ABCA6: variants seen among roughly 807,000 people sequenced by gnomAD.
ABCA6 encodes ATP-binding cassette sub-family A member 6.
Under a neutral mutation model 191.2 loss-of-function variants are expected in ABCA6, and 164 were observed. The ratio of observed to expected loss-of-function variants is 0.86; its 90% CI spans 0.76 to 0.98. The LOEUF is 0.98. Among genes scored for constraint, ABCA6 ranks in the 50% least tolerant of loss-of-function variants. The pLI is 0.00. For missense variants in ABCA6, 1,958 were observed against 1,894.1 expected, an observed-to-expected ratio of 1.03 and a Z score of -0.63; for synonymous variants, 636 against 647.7, an observed-to-expected ratio of 0.98 and a Z score of 0.27.
At position 69,113,751 on chromosome 17, in the gene ABCA6, T is replaced by A; in HGVS notation, c.1783-14A>T. 6.2e-7 allele frequency: 1 copy of A among 1,604,398 alleles called. No homozygotes were observed. Among genetic ancestry groups the A allele is most frequent in the Middle Eastern group, 1.7e-4 (1 of 6,024 alleles). On this transcript the variant is annotated splice_polypyrimidine_tract_variant and intron_variant, in intron 13 of 38. Coordinates refer to ENST00000284425, the MANE Select transcript of ABCA6 (RefSeq NM_080284.3). ...TATTCGTTGTACCTATATGAGAAAA[T>A]ACGCAACTTTTAAAATCCAAAATGA...
rs960827537 is a variant in ABCA6 at position 69,102,751 on chromosome 17, T to A, written c.2874+84A>T. On this transcript the variant is annotated intron_variant, in intron 21 of 38. Transcript: ENST00000284425. ...TGTTTTTCTGAGTCAAGTTTCTGTA[T>A]ACTAGCTTTAATTTCTGCAGTTTTA... is the stretch of plus-strand genomic sequence containing the variant. 5 of 1,315,696 alleles carry A rather than the reference T, an allele frequency of 3.8e-6. No homozygotes were observed. The African/African-American group carries it at 6.2e-5, about 16-fold the overall frequency. 81.5% of individuals were successfully genotyped at this position (1,315,696 alleles called of 1,614,324 possible).
chr17:69,121,217 G>A (rs1003970718), intron 10 of ABCA6, among the ~76,000 whole-genome samples: 1 of 152,090 alleles, frequency 6.6e-6, no homozygotes, highest in Admixed American at 6.6e-5. Flanking sequence ...ATGCCACTAA[G>A]AAATGATCAC....
At chr17:69,090,837 G>C (rs1033371988) in intron 26 of ABCA6, among the ~76,000 whole-genome samples, 4 of 152,154 alleles carry the variant, frequency 2.6e-5, no homozygotes, top group Non-Finnish European at 5.9e-5. Context: ...AATGGCATTT[G>C]ACAATGCCTA....
chr17:69,097,787 AGGT>A, intron 23 of ABCA6, 130 bp downstream of exon 23: 1 of 582,898 alleles, frequency 1.7e-6, no homozygotes, highest in Non-Finnish European at 2.7e-6. Context: ...GCCAAGAATA[AGGT>A]TTAGCTACAA....
intron 36 of ABCA6, 22 bp downstream of exon 36, chr17:69,082,851 C>T: frequency 6.2e-7 from 1 of 1,613,802 alleles, no homozygotes; most frequent in Non-Finnish European, 8.5e-7. Context: ...CATATTTCTC[C>T]ATAATCAAAA....
Position 69,082,896 on chromosome 17 carries a change from G to A in ABCA6, c.4593C>T (p.Phe1531=), listed in dbSNP as rs867902458. The change falls in exon 36 of 39, where the codon TTC becomes TTT. Residue 1531 remains phenylalanine, a synonymous_variant. Coordinates refer to ENST00000284425, the MANE Select transcript of ABCA6 (RefSeq NM_080284.3). ...TLVHTEILKL[F]PQAAGQERYS... is the part of the protein sequence containing the mutation. The stretch of plus-strand genomic sequence containing the variant: ...ACCTTTCCTGCCCTGCAGCCTGTGG[G>A]AAAAGCTTCAGAATCTCAGTGTGGA... 1 of 1,614,150 alleles carries A rather than the reference G, an allele frequency of 6.2e-7. No individual in the cohort carries two copies. Among genetic ancestry groups the A allele is most frequent in the South Asian group, 1.1e-5 (1 of 91,080 alleles).
chr17:69,121,049 A>G (rs1052191875), intron 10 of ABCA6, among the ~76,000 whole-genome samples: 26 of 152,082 alleles, frequency 1.7e-4, no homozygotes, highest in Non-Finnish European at 4.4e-5. Flanking sequence ...AAGCATTTCT[A>G]TATAAAGAGG....
intron 23 of ABCA6, among the ~76,000 whole-genome samples, chr17:69,097,077 T>C (rs1449092240): frequency 6.6e-6 from 1 of 152,210 alleles, no homozygotes; most frequent in Non-Finnish European, 1.5e-5. Flanking sequence ...GACCTCATAA[T>C]GTTCAAGGCA....
intron 30 of ABCA6, 128 bp from the exon 31 acceptor site, chr17:69,085,844 T>C (rs532923344): frequency 3.1e-6 from 2 of 641,282 alleles, no homozygotes; most frequent in South Asian, 3.8e-5. Flanking sequence ...TGATAACATA[T>C]ATGTAATCCA....
In ABCA6 at chr17:69,097,967, A is replaced by G. The variant is rs760048687; in HGVS notation, c.3073T>C (p.Cys1025Arg). ...DGSFFLFLVL[C>R]SISPYITMGS... ...ATGGTGATATAAGGAGAAATGCTAC[A>G]TAGAACCAAAAATAAGAAAAAGGAA... is the stretch of plus-strand genomic sequence containing the variant. Residue 1025 changes from cysteine to arginine, a missense_variant, in exon 23 of 39, where the codon TGT becomes CGT. Physicochemically the swap from Cys to Arg is radical, Grantham distance 180. Coordinates refer to ENST00000284425, the MANE Select transcript of ABCA6 (RefSeq NM_080284.3). 1.9e-6 allele frequency: 3 copies of G among 1,612,206 alleles called. No individual in the cohort carries two copies. The highest frequency in any genetic ancestry group is 1.7e-6 in the Non-Finnish European group (2 of 1,179,294).
chr17:69,118,792 T>C (rs2073584445), intron 10 of ABCA6, among the ~76,000 whole-genome samples: 1 of 152,042 alleles, frequency 6.6e-6, no homozygotes, highest in South Asian at 2.1e-4. Context: ...ATGGATCTTC[T>C]CATTTGAGAC....
In ABCA6 at chr17:69,086,486, AATATATATATATAT is replaced by A. The variant is rs68086602; in HGVS notation, c.3937+118_3937+131del. ...GTCTAAAACACTCCCTGGCACACTA[AATATATATATATAT>A]ATATATATATAGAATAAATGAATGA... On this transcript the variant is annotated intron_variant, in intron 30 of 38. Transcript: ENST00000284425. 15 of 161,182 alleles carry A rather than the reference AATATATATATATAT, an allele frequency of 9.3e-5. 4 individuals are homozygous for A. The East Asian group carries it at 3.1e-3, about 34-fold the overall frequency. The allele number at this position is 161,182 out of a possible 1,614,324, so 10.0% of individuals were successfully genotyped here.
chr17:69,103,070 TA>T, intron 20 of ABCA6, 102 bp from the exon 21 acceptor site: 1 of 670,644 alleles, frequency 1.5e-6, no homozygotes, highest in Non-Finnish European at 2.4e-6. Flanking sequence ...ATTTATGGAA[TA>T]CTATGTATAA....
In ABCA6 at chr17:69,114,762, C is replaced by T. The variant is rs768950386; in HGVS notation, c.1782G>A (p.Glu594=). 27 of 1,607,314 alleles carry T rather than the reference C, an allele frequency of 1.7e-5. No individual in the cohort carries two copies. Among genetic ancestry groups the T allele is most frequent in the Non-Finnish European group, 2.2e-5 (26 of 1,177,086 alleles). The change falls in exon 13 of 39, where the codon GAG becomes GAA. Residue 594 remains glutamate, a splice_region_variant and synonymous_variant. Coordinates refer to ENST00000284425, the MANE Select transcript of ABCA6 (RefSeq NM_080284.3). ...KGIHLKEVEQ[E]VQRILLELDM... ...AGTTAATCCAAGCATGCCCTCCTAC[C>T]TCTTGTTCCACTTCCTTTAGATGAA...
chr17:69,102,519 TA>T (rs1178712150), intron 21 of ABCA6, among the ~76,000 whole-genome samples: 1 of 152,184 alleles, frequency 6.6e-6, no homozygotes, highest in Non-Finnish European at 1.5e-5. Context: ...TTTATTCAGG[TA>T]GTTAGCTACT....
chr17:69,105,376 A>G, intron 20 of ABCA6, 86 bp downstream of exon 20: 1 of 1,298,746 alleles, frequency 7.7e-7, no homozygotes. Flanking sequence ...TTCTTCTCTT[A>G]TGATTCACTT....
Position 69,096,793 on chromosome 17 carries a change from A to G in ABCA6, c.3129T>C (p.Ala1043=). ...MGSISDYKKN[A]KSQLWISGLY... is the part of the protein sequence containing the mutation. The stretch of plus-strand genomic sequence containing the variant: ...GGCCTGAAATCCATAGCTGGGACTT[A>G]GCATTTTTCTGATTAAAAAAAAAAA... Residue 1043 remains alanine (A), a synonymous_variant, in exon 24 of 39, where the codon GCT becomes GCC. Transcript: ENST00000284425. 6.6e-7 allele frequency: 1 copy of G among 1,524,190 alleles called. No individual in the cohort carries two copies. Among genetic ancestry groups the G allele is most frequent in the Non-Finnish European group, 8.7e-7 (1 of 1,147,204 alleles). 94.4% of individuals were successfully genotyped at this position (1,524,190 alleles called of 1,614,324 possible).
At chr17:69,111,047 T>G in intron 16 of ABCA6, 107 bp from the exon 17 acceptor site, 13 of 1,093,924 alleles carry the variant, frequency 1.2e-5, no homozygotes, top group Non-Finnish European at 1.6e-5. Context: ...TACTTGGCTT[T>G]ATGGAACAAA....
intron 8 of ABCA6, among the ~76,000 whole-genome samples, chr17:69,125,884 T>C (rs1264860673): frequency 6.6e-6 from 1 of 152,160 alleles, no homozygotes; most frequent in Non-Finnish European, 1.5e-5. Context: ...ATGTAATATC[T>C]ATTCATAGTA....
Sources: gnomAD v4.1 joint callset for allele counts (sites outside exome capture counted in the v4.1 genomes callset) on GRCh38, gnomAD v4.1.1 for gene constraint, MANE v1.5 for transcripts, NCBI Gene and HGNC (gene_info 2026-07-23, HGNC 2026-07-21) for gene names.